NEGR1: variants seen among roughly 807,000 people sequenced by gnomAD.
NEGR1 encodes neuronal growth regulator 1.
NEGR1 carries 10 observed loss-of-function variants against 40.9 expected under a neutral mutation model. The ratio of observed to expected loss-of-function variants is 0.24; its 90% CI spans 0.15 to 0.42. NEGR1 has a LOEUF of 0.42. Among genes scored for constraint, NEGR1 ranks in the 10% least tolerant of loss-of-function variants. The pLI is 1.00. For missense variants in NEGR1, 352 were observed against 438.9 expected (o/e 0.80, Z 1.77); for synonymous variants, 185 against 166.8 (o/e 1.11, Z -0.84).
chr1:71,632,631 T>G (rs974140737), intron 4 of NEGR1, among the ~76,000 whole-genome samples: 2 of 151,820 alleles, frequency 1.3e-5, no homozygotes, highest in Non-Finnish European at 2.9e-5. Flanking sequence ...TTAATAATTA[T>G]GCTATTATCT....
At chr1:72,111,554 A>G (rs1649372643) in intron 1 of NEGR1, among the ~76,000 whole-genome samples, 1 of 151,828 alleles carries the variant, frequency 6.6e-6, no homozygotes, top group African/African-American at 2.4e-5. Context: ...TGTTAGACAT[A>G]GTATGACATT....
chr1:71,436,688 C>A (rs1349764991), intron 6 of NEGR1, among the ~76,000 whole-genome samples: 2 of 152,112 alleles, frequency 1.3e-5, no homozygotes. Context: ...TCTGCCACCC[C>A]TGAGGCATCA....
rs138520396 is a variant in NEGR1 at position 72,117,070 on chromosome 1, G to C, written c.176+165249C>G. Reference sequence around the variant, plus strand: ...TCAGAAAAAAGTGATGGCACTGCAAGCCATTTTAAGCTTAATCTAGTTCTT... The same window carrying C: ...TCAGAAAAAAGTGATGGCACTGCAACCCATTTTAAGCTTAATCTAGTTCTT... On this transcript the variant is annotated intron_variant, in intron 1 of 6. Transcript: ENST00000357731. Among the ~76,000 whole-genome samples, 748 of 151,812 alleles carry C rather than the reference G, an allele frequency of 4.9e-3. 5 individuals are homozygous for C. The highest frequency in any genetic ancestry group is 0.017 in the African/African-American group (711 of 41,484).
rs919181539 is a variant in NEGR1 at position 71,404,096 on chromosome 1, T to G, written c.*3350A>C. ...CAGTAAATTTGATCATTATAGATGA[T>G]TGACTTTGATAATTCAGTTTTTCAG... is the stretch of plus-strand genomic sequence containing the variant. On this transcript the variant is annotated 3_prime_UTR_variant, in exon 7 of 7. Coordinates refer to ENST00000357731, the MANE Select transcript of NEGR1 (RefSeq NM_173808.3). The G allele has an allele frequency of 1.2e-5, 3 of 243,458 alleles. No homozygotes were observed. The highest frequency in any genetic ancestry group is 1.8e-4 in the South Asian group (1 of 5,646). The allele number at this position is 243,458 out of a possible 1,614,324, so 15.1% of individuals were successfully genotyped here.
intron 1 of NEGR1, among the ~76,000 whole-genome samples, chr1:72,118,483 G>A (rs1195878507): frequency 3.3e-5 from 5 of 151,806 alleles, no homozygotes; most frequent in African/African-American, 4.8e-5. Flanking sequence ...AGGATCCAGC[G>A]GGTGTGTTGT....
chr1:72,058,702 T>C (rs1422240243), intron 1 of NEGR1, among the ~76,000 whole-genome samples: 1 of 151,726 alleles, frequency 6.6e-6, no homozygotes, highest in Non-Finnish European at 1.5e-5. Flanking sequence ...AGCTTTACAC[T>C]GTACTGCCAT....
intron 6 of NEGR1, among the ~76,000 whole-genome samples, chr1:71,491,561 C>G (rs887712797): frequency 6.9e-6 from 1 of 144,668 alleles, no homozygotes; most frequent in Non-Finnish European, 1.5e-5. Flanking sequence ...CCTCCAATGA[C>G]CACCTCAGGG....
chr1:72,269,853 A>G (rs1655784418), intron 1 of NEGR1, among the ~76,000 whole-genome samples: 1 of 151,744 alleles, frequency 6.6e-6, no homozygotes, highest in South Asian at 2.1e-4. Context: ...AATATATAGC[A>G]TGTACATTTA....
At chr1:71,424,369 T>A (rs1397322347) in intron 6 of NEGR1, among the ~76,000 whole-genome samples, 1 of 152,216 alleles carries the variant, frequency 6.6e-6, no homozygotes, top group Non-Finnish European at 1.5e-5. Context: ...GGATTTAGTA[T>A]GTACCTGTGC....
At chr1:71,759,136 G>A (rs949997082) in intron 3 of NEGR1, among the ~76,000 whole-genome samples, 3 of 152,022 alleles carry the variant, frequency 2.0e-5, no homozygotes, top group African/African-American at 4.8e-5. Context: ...TGGACTCATT[G>A]TATACATTGG....
intron 3 of NEGR1, among the ~76,000 whole-genome samples, chr1:71,703,917 C>T (rs1027318498): frequency 2.0e-5 from 3 of 151,492 alleles, no homozygotes; most frequent in Non-Finnish European, 4.4e-5. Context: ...GAATTTGATG[C>T]ATACAATAAA....
chr1:71,858,148 T>A (rs1659839202), intron 2 of NEGR1, among the ~76,000 whole-genome samples: 1 of 152,064 alleles, frequency 6.6e-6, no homozygotes. Flanking sequence ...ACAAACACAT[T>A]TTTGACTAGT....
Position 71,396,225 on chromosome 1 carries a change from C to G in NEGR1, c.*11221G>C, listed in dbSNP as rs1646210930. On this transcript the variant is annotated 3_prime_UTR_variant, in exon 7 of 7. Coordinates refer to ENST00000357731, the MANE Select transcript of NEGR1 (RefSeq NM_173808.3). ...TCAGTTTAAAGTGAAATCAGCTTCC[C>G]AAAGAAAGGATTAGAGAAATGGGTG... The G allele has an allele frequency of 6.6e-6, 1 of 152,080 alleles. No individual in the cohort carries two copies. The highest frequency in any genetic ancestry group is 1.5e-5 in the Non-Finnish European group (1 of 68,022). The allele number at this position is 152,080 out of a possible 1,614,324, so 9.4% of individuals were successfully genotyped here.
intron 2 of NEGR1, among the ~76,000 whole-genome samples, chr1:71,843,841 T>C (rs1466794939): frequency 6.6e-6 from 1 of 152,194 alleles, no homozygotes; most frequent in East Asian, 1.9e-4. Context: ...ATAGAATCGC[T>C]CCATTAATTC....
Position 72,180,672 on chromosome 1 carries a change from G to A in NEGR1, c.176+101647C>T, listed in dbSNP as rs530264999. On this transcript the variant is annotated intron_variant, in intron 1 of 6. Coordinates refer to ENST00000357731, the MANE Select transcript of NEGR1 (RefSeq NM_173808.3). ...AAATTTCCCGAACAGACATTTCTCC[G>A]AATAAGACGTAAATATGGCCAAAAG... Among the ~76,000 whole-genome samples, 20 of 152,008 alleles carry A rather than the reference G, an allele frequency of 1.3e-4. No individual in the cohort carries two copies. The South Asian group carries it at 2.7e-3, about 21-fold the overall frequency.
At chr1:72,076,002 C>G (rs1440530887) in intron 1 of NEGR1, among the ~76,000 whole-genome samples, 1 of 152,142 alleles carries the variant, frequency 6.6e-6, no homozygotes, top group Non-Finnish European at 1.5e-5. Flanking sequence ...GCTAACAAGA[C>G]TGTTATACAA....
chr1:71,719,872 A>C (rs188101997), intron 3 of NEGR1, among the ~76,000 whole-genome samples: 1 of 152,248 alleles, frequency 6.6e-6, no homozygotes, highest in Admixed American at 6.5e-5. Flanking sequence ...GATAAGCAGA[A>C]ACATTACTGT....
chr1:72,252,688 G>A (rs1283652493), intron 1 of NEGR1, among the ~76,000 whole-genome samples: 2 of 152,156 alleles, frequency 1.3e-5, no homozygotes, highest in Non-Finnish European at 2.9e-5. Flanking sequence ...GACGGAGAGA[G>A]TAAGAGAGAG....
At chr1:71,876,204 G>C (rs1414996139) in intron 2 of NEGR1, among the ~76,000 whole-genome samples, 1 of 152,038 alleles carries the variant, frequency 6.6e-6, no homozygotes, top group African/African-American at 2.4e-5. Context: ...GAAAAGTCCA[G>C]TATAGTTCTA....
Sources: gnomAD v4.1 joint callset for allele counts (sites outside exome capture counted in the v4.1 genomes callset) on GRCh38, gnomAD v4.1.1 for gene constraint, MANE v1.5 for transcripts, NCBI Gene and HGNC (gene_info 2026-07-23, HGNC 2026-07-21) for gene names.